Variants in STAG1 observed in about 807,000 individuals in gnomAD.
STAG1 encodes the protein STAG1 cohesin complex component.
In STAG1, 26 loss-of-function variants were observed where a neutral mutation model predicts 170.9. The ratio of observed to expected loss-of-function variants is 0.15; its 90% CI spans 0.11 to 0.21. The LOEUF is 0.21. Among genes scored for constraint, STAG1 ranks in the 10% least tolerant of loss-of-function variants. The probability of loss-of-function intolerance (pLI) is 1.00; values close to 1 mark genes in which losing one functional copy is unlikely to be tolerated. For synonymous variants in STAG1, 514 were observed against 497.7 expected (o/e 1.03, Z -0.44); for missense variants, 964 against 1,509.5 (o/e 0.64, Z 5.99).
intron 7 of STAG1, among the ~76,000 whole-genome samples, chr3:136,519,219 T>C (rs1297195038): frequency 1.3e-5 from 2 of 152,142 alleles, no homozygotes; most frequent in Non-Finnish European, 1.5e-5. Context: ...GCACTCCTCT[T>C]ATGTTCTTAG....
chr3:136,493,509 G>C (rs2090158996), intron 9 of STAG1, among the ~76,000 whole-genome samples: 1 of 151,684 alleles, frequency 6.6e-6, no homozygotes, highest in Non-Finnish European at 1.5e-5. Context: ...ACAAAAATTA[G>C]CCAGGCATAG....
chr3:136,349,082 G>T, intron 29 of STAG1, 76 bp downstream of exon 29: 1 of 1,126,190 alleles, frequency 8.9e-7, no homozygotes, highest in Non-Finnish European at 1.3e-6. Context: ...CTATTATCTT[G>T]CTTCAAAAGA....
rs1217482933 is a variant in STAG1, at chr3:136,700,820, C to G, written c.-84+51375G>C. Among the ~76,000 whole-genome samples, 5 of 150,888 alleles carry G rather than the reference C, an allele frequency of 3.3e-5. No homozygotes were observed. The South Asian group carries it at 1.0e-3, about 32-fold the overall frequency. ...GGGATTACTAGCAGAAATTAACACA[C>G]GGTCTCTCAAGAACAACTTAAAAAA... On this transcript the variant is annotated intron_variant, in intron 1 of 33. Transcript: ENST00000383202.
At chr3:136,410,414 G>A (rs2087593895) in intron 21 of STAG1, among the ~76,000 whole-genome samples, 1 of 151,830 alleles carries the variant, frequency 6.6e-6, no homozygotes, top group Non-Finnish European at 1.5e-5. Context: ...AAAATAAAAA[G>A]TTTGCCCTAA....
At chr3:136,532,920 C>T (rs909248854) in intron 6 of STAG1, among the ~76,000 whole-genome samples, 16 of 151,972 alleles carry the variant, frequency 1.1e-4, no homozygotes, top group African/African-American at 3.9e-4. Flanking sequence ...CTAGACAGAC[C>T]AATCAGGTAA....
At chr3:136,397,959 T>C (rs1348820033) in intron 22 of STAG1, among the ~76,000 whole-genome samples, 1 of 152,150 alleles carries the variant, frequency 6.6e-6, no homozygotes, top group Non-Finnish European at 1.5e-5. Flanking sequence ...GTTATTCTTT[T>C]TTTTGAGATG....
chr3:136,413,315 A>AT (rs1263188839), intron 21 of STAG1, among the ~76,000 whole-genome samples: 2 of 147,854 alleles, frequency 1.4e-5, no homozygotes, highest in Non-Finnish European at 3.0e-5. Context: ...ATATATACAT[A>AT]GTGTCTAAGT....
At chr3:136,423,111 T>C (rs1195661574) in intron 16 of STAG1, 67 bp from the exon 17 acceptor site, 11 of 1,006,720 alleles carry the variant, frequency 1.1e-5, no homozygotes, top group South Asian at 1.9e-5. Context: ...GTTACATATA[T>C]TGATGAAGCA....
intron 9 of STAG1, among the ~76,000 whole-genome samples, chr3:136,498,590 G>A (rs747308658): frequency 6.6e-6 from 1 of 151,528 alleles, no homozygotes; most frequent in Admixed American, 6.6e-5. Flanking sequence ...TCATTATCTC[G>A]CTTGTGGTGG....
At chr3:136,531,219 C>A (rs890034484) in intron 6 of STAG1, among the ~76,000 whole-genome samples, 3 of 150,732 alleles carry the variant, frequency 2.0e-5, no homozygotes, top group Non-Finnish European at 3.0e-5. Flanking sequence ...GATACCATCT[C>A]ACACCAGTTA....
chr3:136,752,059 C>G (rs1935288499), intron 1 of STAG1, 136 bp downstream of exon 1: 1 of 153,358 alleles, frequency 6.5e-6, no homozygotes, highest in Non-Finnish European at 1.5e-5. Context: ...CGCGCCCGGC[C>G]CGCCCGCTCG....
chr3:136,476,711 C>G (rs1046624588), intron 10 of STAG1, among the ~76,000 whole-genome samples: 2 of 152,118 alleles, frequency 1.3e-5, no homozygotes, highest in African/African-American at 4.8e-5. Context: ...CTAATATACT[C>G]TAATATTATT....
At chr3:136,526,165 C>G (rs936619798) in intron 6 of STAG1, among the ~76,000 whole-genome samples, 7 of 152,180 alleles carry the variant, frequency 4.6e-5, no homozygotes, top group African/African-American at 1.7e-4. Flanking sequence ...AACTTTCTGT[C>G]TCATCGATCT....
chr3:136,650,741 T>C (rs1021503283), intron 1 of STAG1, among the ~76,000 whole-genome samples: 11 of 152,064 alleles, frequency 7.2e-5, no homozygotes, highest in African/African-American at 2.7e-4. Flanking sequence ...GCTCTTATGA[T>C]AGTACTGTGA....
chr3:136,746,383 A>G (rs987160209), intron 1 of STAG1, among the ~76,000 whole-genome samples: 1 of 152,142 alleles, frequency 6.6e-6, no homozygotes, highest in Non-Finnish European at 1.5e-5. Context: ...CCACACTGGA[A>G]GAATTCTCTT....
intron 1 of STAG1, among the ~76,000 whole-genome samples, chr3:136,668,299 T>G (rs1432888917): frequency 6.9e-6 from 1 of 143,968 alleles, no homozygotes; most frequent in Non-Finnish European, 1.5e-5. Context: ...ATATATAATA[T>G]ATATTATACA....
chr3:136,665,830 C>T (rs992395516), intron 1 of STAG1, among the ~76,000 whole-genome samples: 4 of 149,282 alleles, frequency 2.7e-5, no homozygotes, highest in Non-Finnish European at 5.9e-5. Flanking sequence ...AATCCCAGCA[C>T]TTTGGGAGGC....
intron 19 of STAG1, 111 bp from the exon 20 acceptor site, chr3:136,421,274 T>C: frequency 2.0e-6 from 1 of 507,818 alleles, no homozygotes; most frequent in East Asian, 3.6e-5. Context: ...TATATATTCA[T>C]TGTAGATCCA....
chr3:136,654,314 TAAAA>T (rs943865553), intron 1 of STAG1, among the ~76,000 whole-genome samples: 1 of 151,796 alleles, frequency 6.6e-6, no homozygotes, highest in South Asian at 2.1e-4. Flanking sequence ...TCAACACACA[TAAAA>T]AAAATCAGTT....
Sources: allele counts gnomAD v4.1 joint callset (sites outside exome capture counted in the v4.1 genomes callset), GRCh38; gene constraint gnomAD v4.1.1; transcripts MANE v1.5; gene names NCBI Gene and HGNC (gene_info 2026-07-23, HGNC 2026-07-21).